The following PCDH11Y variants were observed in gnomAD, a reference collection of about 807,000 sequenced individuals.
PCDH11Y encodes protocadherin 11 Y-linked.
For missense variants in PCDH11Y, 12 were observed against 224.8 expected, an observed-to-expected ratio of 0.05 and a Z score of 6.05; for synonymous variants, 9 against 83.6, an observed-to-expected ratio of 0.11 and a Z score of 4.87.
intron 2 of PCDH11Y, among the ~76,000 whole-genome samples, chrY:5,333,179 T>C (rs2053132771): frequency 3.0e-5 from 1 of 33,733 alleles, no homozygotes; most frequent in Non-Finnish European, 7.3e-5. Context: ...GGAAATACTT[T>C]TTAAATAGAA....
chrY:5,181,142 T>A, intron 2 of PCDH11Y, among the ~76,000 whole-genome samples: 1 of 32,272 alleles, frequency 3.1e-5, no homozygotes, highest in Non-Finnish European at 7.6e-5. Context: ...CCTTCGCTTG[T>A]CTGAAAAGGA....
At chrY:5,674,414 T>G in intron 4 of PCDH11Y, among the ~76,000 whole-genome samples, 1 of 32,360 alleles carries the variant, frequency 3.1e-5, no homozygotes, top group Non-Finnish European at 7.6e-5. Flanking sequence ...ACAGCAGAAG[T>G]GGTTTGCTAA....
intron 4 of PCDH11Y, among the ~76,000 whole-genome samples, chrY:5,685,809 CT>C (rs2053562480): frequency 3.2e-5 from 1 of 31,351 alleles, no homozygotes; most frequent in Non-Finnish European, 7.8e-5. Context: ...GAAACTAATG[CT>C]TAATGAAACT....
chrY:5,386,128 G>C (rs113329281), intron 2 of PCDH11Y, among the ~76,000 whole-genome samples: 2,017 of 33,362 alleles, frequency 0.06, no homozygotes, highest in South Asian at 0.3. Flanking sequence ...AGTTTTGCTG[G>C]ATACAATACT....
chrY:5,616,369 G>A, intron 4 of PCDH11Y, among the ~76,000 whole-genome samples: 1 of 33,275 alleles, frequency 3.0e-5, no homozygotes, highest in Non-Finnish European at 7.4e-5. Context: ...AAGCTTGGTG[G>A]ATGGAAAAAT....
chrY:5,680,099 A>G, intron 4 of PCDH11Y, among the ~76,000 whole-genome samples: 1 of 31,359 alleles, frequency 3.2e-5, no homozygotes, highest in African/African-American at 1.3e-4. Context: ...TGCTGGCTTC[A>G]GATCTGGTGC....
At chrY:5,079,306 C>T (rs2563824) in intron 1 of PCDH11Y, among the ~76,000 whole-genome samples, 1 of 33,042 alleles carries the variant, frequency 3.0e-5, no homozygotes, top group Non-Finnish European at 7.5e-5. Flanking sequence ...GGGGTCTAGA[C>T]GACAGTGGCC....
At chrY:5,520,583 A>C in intron 3 of PCDH11Y, among the ~76,000 whole-genome samples, 1 of 33,400 alleles carries the variant, frequency 3.0e-5, no homozygotes, top group Non-Finnish European at 7.3e-5. Context: ...ACTGCTACAA[A>C]GAACAACCTT....
intron 2 of PCDH11Y, among the ~76,000 whole-genome samples, chrY:5,117,263 C>A: frequency 3.0e-5 from 1 of 33,177 alleles, no homozygotes; most frequent in Admixed American, 2.8e-4. Flanking sequence ...AGCAATATTA[C>A]TCTGTGGTAT....
chrY:5,525,594 G>A, intron 3 of PCDH11Y, among the ~76,000 whole-genome samples: 2 of 31,302 alleles, frequency 6.4e-5, no homozygotes, highest in African/African-American at 1.3e-4. Flanking sequence ...CCAATTGTAC[G>A]TCTCAGAACC....
intron 4 of PCDH11Y, among the ~76,000 whole-genome samples, chrY:5,614,580 A>T: frequency 3.3e-5 from 1 of 30,711 alleles, no homozygotes; most frequent in South Asian, 7.3e-4. Flanking sequence ...AACACTTCTC[A>T]TCTTTCAACA....
chrY:5,350,441 C>T, intron 2 of PCDH11Y, among the ~76,000 whole-genome samples: 1 of 31,270 alleles, frequency 3.2e-5, no homozygotes, highest in Non-Finnish European at 7.7e-5. Context: ...TGCGGTGTCC[C>T]ACGCCTGTAA....
At chrY:5,456,315 T>C in intron 2 of PCDH11Y, among the ~76,000 whole-genome samples, 2 of 33,343 alleles carry the variant, frequency 6.0e-5, no homozygotes, top group Non-Finnish European at 1.5e-4. Context: ...AAATAATGGT[T>C]GCAGGGCTGC....
intron 2 of PCDH11Y, among the ~76,000 whole-genome samples, chrY:5,238,475 AG>A (rs2052981759): frequency 3.0e-5 from 1 of 33,291 alleles, no homozygotes; most frequent in Admixed American, 2.8e-4. Context: ...AAACCCTAGA[AG>A]AAAACCTAGG....
intron 2 of PCDH11Y, among the ~76,000 whole-genome samples, chrY:5,220,410 CTTTTTTTTTTTT>C (rs1339840896): frequency 3.7e-4 from 5 of 13,675 alleles, no homozygotes; most frequent in African/African-American, 5.6e-4. Context: ...GTATTATCTT[CTTTTTTTTTTTT>C]TTTTTTTTTT....
chrY:5,485,832 C>A, intron 2 of PCDH11Y, among the ~76,000 whole-genome samples: 1 of 23,243 alleles, frequency 4.3e-5, no homozygotes, highest in African/African-American at 1.7e-4. Flanking sequence ...AAAACATTTA[C>A]CAAATTTTAA....
At chrY:5,023,081 T>G in intron 1 of PCDH11Y, among the ~76,000 whole-genome samples, 2 of 34,135 alleles carry the variant, frequency 5.9e-5, no homozygotes, top group African/African-American at 2.3e-4. Flanking sequence ...ATTTTCACAT[T>G]AAAGCTGAAA....
chrY:5,642,929 G>A, intron 4 of PCDH11Y, among the ~76,000 whole-genome samples: 2 of 33,181 alleles, frequency 6.0e-5, no homozygotes, highest in Admixed American at 2.7e-4. Context: ...CAGAGATAGA[G>A]GTTTTGCAGC....
At chrY:5,130,881 C>CA (rs1174642114) in intron 2 of PCDH11Y, among the ~76,000 whole-genome samples, 1,075 of 21,459 alleles carry the variant, frequency 0.05, no homozygotes, top group East Asian at 0.044. Flanking sequence ...GACTCTGTCT[C>CA]AAAAAAAAAA....
Sources: allele counts gnomAD v4.1 joint callset (sites outside exome capture counted in the v4.1 genomes callset), GRCh38; gene constraint gnomAD v4.1.1; transcripts MANE v1.5; gene names NCBI Gene and HGNC (gene_info 2026-07-23, HGNC 2026-07-21).